STAG2: variants seen among roughly 807,000 people sequenced by gnomAD.
STAG2 encodes the protein STAG2 cohesin complex component, also known as cohesin subunit SA-2.
In STAG2, 14 loss-of-function variants were observed where a neutral mutation model predicts 108.1. That is an observed-to-expected ratio of 0.13 (90% CI 0.09 to 0.20). STAG2 has a LOEUF of 0.20. Ranked by LOEUF, STAG2 falls within the 10% of genes least tolerant of loss-of-function variation. The probability of loss-of-function intolerance (pLI) is 1.00; values close to 1 mark genes in which losing one functional copy is unlikely to be tolerated. For synonymous variants in STAG2, 307 were observed against 302.7 expected, an observed-to-expected ratio of 1.01 and a Z score of -0.15; for missense variants, 440 against 940.9, an observed-to-expected ratio of 0.47 and a Z score of 6.96.
chrX:123,977,708 A>G (rs2054683898), intron 1 of STAG2, among the ~76,000 whole-genome samples: 1 of 109,776 alleles, frequency 9.1e-6, no homozygotes, highest in Non-Finnish European at 1.9e-5. Flanking sequence ...TGTTGATGCT[A>G]TTATTATTTT....
intron 4 of STAG2, 106 bp from the exon 5 acceptor site, chrX:124,030,855 G>A: frequency 1.2e-6 from 1 of 832,488 alleles, no homozygotes; most frequent in Non-Finnish European, 1.6e-6. Context: ...ATTCTTTAGG[G>A]CAAGTTTAAG....
intron 1 of STAG2, among the ~76,000 whole-genome samples, chrX:123,978,338 T>C (rs1398420966): frequency 9.2e-6 from 1 of 108,900 alleles, no homozygotes; most frequent in Non-Finnish European, 1.9e-5. Flanking sequence ...CCATTGTGTG[T>C]TGTTTCCCCC....
upstream of STAG2, chrX:123,961,683 T>TCCCCCC (rs1280124279): frequency 4.5e-5 from 3 of 66,096 alleles, no homozygotes; most frequent in Non-Finnish European, 8.8e-5. Flanking sequence ...CCCTCCTCCC[T>TCCCCCC]TCCCTCCCTC....
chrX:124,084,967 A>AT (rs1186421880), intron 29 of STAG2, among the ~76,000 whole-genome samples: 2 of 111,838 alleles, frequency 1.8e-5, no homozygotes, highest in East Asian at 5.6e-4. Flanking sequence ...AATTTCATTC[A>AT]TAAGTAGATA....
chrX:124,052,460 C>T (rs1603038164), intron 13 of STAG2, among the ~76,000 whole-genome samples: 1 of 112,494 alleles, frequency 8.9e-6, no homozygotes, highest in East Asian at 2.8e-4. Flanking sequence ...GCTTATTTCA[C>T]TTGGCATAAT....
chrX:123,976,923 A>G (rs2054647350), intron 1 of STAG2, among the ~76,000 whole-genome samples: 2 of 112,226 alleles, frequency 1.8e-5, no homozygotes, highest in South Asian at 7.3e-4. Context: ...CTTTGGGGAA[A>G]GAGAATATAA....
intron 1 of STAG2, among the ~76,000 whole-genome samples, chrX:123,985,876 G>C (rs1349251105): frequency 9.1e-6 from 1 of 109,614 alleles, no homozygotes; most frequent in African/African-American, 3.3e-5. Context: ...GAAGGAATTA[G>C]CCTTTCAGAG....
At chrX:124,074,420 G>A (rs2058750095) in intron 25 of STAG2, among the ~76,000 whole-genome samples, 1 of 112,524 alleles carries the variant, frequency 8.9e-6, no homozygotes, top group African/African-American at 3.2e-5. Context: ...AGCTCCTTGA[G>A]CACATATACA....
chrX:123,997,683 G>A (rs1054321354), intron 1 of STAG2, among the ~76,000 whole-genome samples: 2 of 112,721 alleles, frequency 1.8e-5, no homozygotes, highest in East Asian at 2.8e-4. Context: ...TGTCACCTAG[G>A]CGGGAGTGCA....
At chrX:124,097,763 T>C (rs1276376443) in intron 34 of STAG2, 6 of 294,551 alleles carry the variant, frequency 2.0e-5, no homozygotes, top group Non-Finnish European at 4.1e-5. Flanking sequence ...TGCTCAGTTA[T>C]ACAGTTAGCA....
intron 25 of STAG2, among the ~76,000 whole-genome samples, chrX:124,074,386 G>T (rs965474202): frequency 8.9e-6 from 1 of 112,553 alleles, no homozygotes; most frequent in East Asian, 2.7e-4. Context: ...TTAAAATAGC[G>T]TTACAACAAA....
At chrX:124,034,834 G>T (rs779775216) in intron 5 of STAG2, among the ~76,000 whole-genome samples, 11 of 108,974 alleles carry the variant, frequency 1.0e-4, no homozygotes, top group African/African-American at 3.6e-4. Flanking sequence ...TTTTTGCATT[G>T]CCAGGATATA....
At chrX:123,971,151 T>TG (rs2054335858) in intron 1 of STAG2, among the ~76,000 whole-genome samples, 1 of 112,167 alleles carries the variant, frequency 8.9e-6, no homozygotes, top group Admixed American at 9.4e-5. Context: ...CTGTAGAGGC[T>TG]GGGCGCGGTG....
chrX:124,009,443 G>GTAGGTGGGTAGA (rs1556479689), intron 1 of STAG2, among the ~76,000 whole-genome samples: 1 of 63,607 alleles, frequency 1.6e-5, no homozygotes, highest in African/African-American at 6.1e-5. Flanking sequence ...AGGTAGGTAG[G>GTAGGTGGGTAGA]TAGATAGATA....
intron 5 of STAG2, among the ~76,000 whole-genome samples, chrX:124,031,880 G>A (rs780703129): frequency 2.8e-5 from 3 of 108,220 alleles, no homozygotes; most frequent in South Asian, 4.0e-4. Context: ...ACAGGTGCCC[G>A]CCACCATGGC....
At chrX:123,974,217 ATCTTT>A (rs1379544448) in intron 1 of STAG2, among the ~76,000 whole-genome samples, 2 of 107,577 alleles carry the variant, frequency 1.9e-5, no homozygotes, top group Non-Finnish European at 3.8e-5. Context: ...GCCCATGATC[ATCTTT>A]TCTTTTCTTT....
At chrX:124,023,322 T>C (rs1021945255) in intron 3 of STAG2, among the ~76,000 whole-genome samples, 1 of 111,395 alleles carries the variant, frequency 9.0e-6, no homozygotes, top group African/African-American at 3.3e-5. Flanking sequence ...CACCACTGTA[T>C]TTTTTATTAG....
intron 1 of STAG2, among the ~76,000 whole-genome samples, chrX:123,999,359 A>C (rs2055913247): frequency 9.0e-6 from 1 of 111,028 alleles, no homozygotes; most frequent in African/African-American, 3.3e-5. Context: ...AGTATTCATA[A>C]ACATGTATCA....
intron 1 of STAG2, among the ~76,000 whole-genome samples, chrX:124,007,887 A>G (rs1208602346): frequency 8.9e-6 from 1 of 112,057 alleles, no homozygotes; most frequent in Admixed American, 9.5e-5. Flanking sequence ...TTTGTGATCT[A>G]TGAGTTATGA....
Sources: allele counts gnomAD v4.1 joint callset (sites outside exome capture counted in the v4.1 genomes callset), GRCh38; gene constraint gnomAD v4.1.1; transcripts MANE v1.5; gene names NCBI Gene and HGNC (gene_info 2026-07-23, HGNC 2026-07-21).